ARHGEF3: variants seen among roughly 807,000 people sequenced by gnomAD.
ARHGEF3 encodes Rho guanine nucleotide exchange factor 3.
A neutral mutation model predicts 63.2 loss-of-function variants in ARHGEF3; 28 were observed. The ratio of observed to expected loss-of-function variants is 0.44; its 90% confidence interval spans 0.33 to 0.61. The LOEUF (loss-of-function observed/expected upper bound fraction) is 0.61. Ranked by LOEUF, ARHGEF3 falls within the 20% of genes least tolerant of loss-of-function variation. ARHGEF3 has a pLI of 0.03. For missense variants in ARHGEF3, 533 were observed against 659.3 expected, an observed-to-expected ratio of 0.81 and a Z score of 2.10; for synonymous variants, 266 against 254.2, an observed-to-expected ratio of 1.05 and a Z score of -0.44.
At chr3:57,042,692 A>ATT (rs1447905041) in intron 1 of ARHGEF3, among the ~76,000 whole-genome samples, 4 of 23,968 alleles carry the variant, frequency 1.7e-4, no homozygotes, top group African/African-American at 2.7e-4. Flanking sequence ...ATATATATAT[A>ATT]TATATATATT....
At chr3:56,754,733 A>T (rs1269500167) in intron 3 of ARHGEF3, among the ~76,000 whole-genome samples, 1 of 152,258 alleles carries the variant, frequency 6.6e-6, no homozygotes, top group Non-Finnish European at 1.5e-5. Context: ...AATCCTAAAT[A>T]GACACTTGGT....
chr3:56,918,291 G>A (rs1400372968), intron 3 of ARHGEF3, among the ~76,000 whole-genome samples: 1 of 152,204 alleles, frequency 6.6e-6, no homozygotes, highest in African/African-American at 2.4e-5. Context: ...CAGCAGCCAA[G>A]GCCAGCCTCA....
chr3:57,005,307 T>A (rs1459536307), intron 2 of ARHGEF3, among the ~76,000 whole-genome samples: 1 of 152,134 alleles, frequency 6.6e-6, no homozygotes, highest in Non-Finnish European at 1.5e-5. Flanking sequence ...CTTTTACAGA[T>A]GAGGAAATTG....
At chr3:56,856,371 C>T (rs1408202165) in intron 4 of ARHGEF3, among the ~76,000 whole-genome samples, 3 of 152,206 alleles carry the variant, frequency 2.0e-5, no homozygotes, top group Admixed American at 6.5e-5. Flanking sequence ...CTTTCAAGGG[C>T]TGACATGGGA....
chr3:56,730,302 G>T (rs951303762), intron 9 of ARHGEF3, among the ~76,000 whole-genome samples: 1 of 150,142 alleles, frequency 6.7e-6, no homozygotes, highest in Non-Finnish European at 1.5e-5. Flanking sequence ...ATTGTCAAAC[G>T]AAATTACATT....
intron 3 of ARHGEF3, among the ~76,000 whole-genome samples, chr3:56,895,167 T>C (rs1486863127): frequency 6.8e-6 from 1 of 147,614 alleles, no homozygotes; most frequent in South Asian, 2.3e-4. Flanking sequence ...AAAATGTCCC[T>C]CTAATCGCAG....
chr3:57,057,193 C>A (rs1215683725), intron 1 of ARHGEF3, among the ~76,000 whole-genome samples: 2 of 152,098 alleles, frequency 1.3e-5, no homozygotes, highest in African/African-American at 4.8e-5. Flanking sequence ...CTCACTGCAA[C>A]CTCTGCCTCC....
Position 56,745,361 on chromosome 3 carries a change from T to C in ARHGEF3, c.714A>G (p.Leu238=), listed in dbSNP as rs2034313270. ...TAAAGGGGGATTCTAAACATCGCTGTAGGAAATCCTGGACTCGGTGATCTT... is the reference window on the plus strand; with the variant it reads ...TAAAGGGGGATTCTAAACATCGCTGCAGGAAATCCTGGACTCGGTGATCTT... ...KKQDHRVQDF[L]QRCLESPFSR... The change falls in exon 7 of 10, where the codon CTA becomes CTG. Residue 238 remains leucine (L), a synonymous_variant. Transcript: ENST00000296315. The C allele has an allele frequency of 1.2e-6, 2 of 1,614,002 alleles. No individual in the cohort carries two copies. The highest frequency in any genetic ancestry group is 1.3e-5 in the African/African-American group (1 of 74,900).
In ARHGEF3 at chr3:56,993,925, G is replaced by A. The variant is rs1490506120; in HGVS notation, c.63-35036C>T. ...TAAATATACAAAAAATTAGCCGGGC[G>A]TGGTGATGGGTGCCTGTAATCCCAG... On this transcript the variant is annotated intron_variant, in intron 2 of 12. Coordinates refer to the ARHGEF3 transcript ENST00000338458. Among the ~76,000 whole-genome samples, 4 of 151,024 alleles carry A rather than the reference G, an allele frequency of 2.6e-5. 1 individual carries two copies. The highest frequency in any genetic ancestry group is 4.2e-4 in the South Asian group (2 of 4,784).
At chr3:57,052,152 A>G (rs554592030) in intron 1 of ARHGEF3, among the ~76,000 whole-genome samples, 53 of 152,298 alleles carry the variant, frequency 3.5e-4, no homozygotes, top group African/African-American at 1.2e-3. Flanking sequence ...TGATCACCCA[A>G]TAAAGAAACG....
chr3:56,898,409 A>G (rs1282901276), intron 3 of ARHGEF3: 1 of 150,322 alleles, frequency 6.7e-6, no homozygotes, highest in African/African-American at 2.5e-5. Flanking sequence ...GGGTTTCACC[A>G]TGTTGGCCAG....
chr3:56,982,325 T>C (rs1701356982), intron 2 of ARHGEF3, among the ~76,000 whole-genome samples: 1 of 151,880 alleles, frequency 6.6e-6, no homozygotes, highest in Non-Finnish European at 1.5e-5. Context: ...CTATGCTTTG[T>C]TTCTTTGCAA....
At chr3:56,748,346 T>C (rs2034519698) in intron 6 of ARHGEF3, among the ~76,000 whole-genome samples, 1 of 152,096 alleles carries the variant, frequency 6.6e-6, no homozygotes, top group Non-Finnish European at 1.5e-5. Context: ...ATATTTTTAT[T>C]GAAGAAACTG....
chr3:57,003,427 A>AAAAAAAAG (rs1702342180), intron 2 of ARHGEF3, among the ~76,000 whole-genome samples: 9 of 146,838 alleles, frequency 6.1e-5, no homozygotes, highest in Non-Finnish European at 1.2e-4. Flanking sequence ...AAAAAAAAAA[A>AAAAAAAAG]GTTAAATAAC....
At chr3:56,895,797 A>G (rs1206239047) in intron 3 of ARHGEF3, among the ~76,000 whole-genome samples, 1 of 152,154 alleles carries the variant, frequency 6.6e-6, no homozygotes, top group Non-Finnish European at 1.5e-5. Flanking sequence ...AAGAGTATTC[A>G]TTATTATGCA....
At chr3:57,072,222 A>T (rs1452727455) in intron 1 of ARHGEF3, among the ~76,000 whole-genome samples, 1 of 152,196 alleles carries the variant, frequency 6.6e-6, no homozygotes, top group African/African-American at 2.4e-5. Flanking sequence ...GTTCCTCAAA[A>T]TGTTAAGAGT....
At chr3:56,947,453 A>G (rs987770982) in intron 3 of ARHGEF3, among the ~76,000 whole-genome samples, 1 of 152,180 alleles carries the variant, frequency 6.6e-6, no homozygotes, top group Non-Finnish European at 1.5e-5. Context: ...CAAATGGAAA[A>G]CAAAAAAATG....
chr3:57,002,532 A>ATG (rs1702289889), intron 2 of ARHGEF3, among the ~76,000 whole-genome samples: 1 of 82,612 alleles, frequency 1.2e-5, no homozygotes, highest in African/African-American at 3.8e-5. Flanking sequence ...TGTATGTTAT[A>ATG]TATGTAATAT....
chr3:56,881,186 A>G (rs2040751672), intron 4 of ARHGEF3, among the ~76,000 whole-genome samples: 1 of 152,218 alleles, frequency 6.6e-6, no homozygotes, highest in East Asian at 1.9e-4. Context: ...ACAGAAGTTC[A>G]GAGAAAGGAA....
Sources: allele counts gnomAD v4.1 joint callset (sites outside exome capture counted in the v4.1 genomes callset), GRCh38; gene constraint gnomAD v4.1.1; transcripts MANE v1.5; gene names NCBI Gene and HGNC (gene_info 2026-07-23, HGNC 2026-07-21).